The following DCAF6 variants were observed in gnomAD, a reference collection of about 807,000 sequenced individuals.
DCAF6 encodes DDB1- and CUL4-associated factor 6.
DCAF6 carries 54 observed loss-of-function variants against 125.1 expected under a neutral mutation model. That is an observed-to-expected ratio of 0.43 (90% CI 0.35 to 0.54). DCAF6 has a LOEUF of 0.54. Ranked by LOEUF, DCAF6 falls within the 20% of genes least tolerant of loss-of-function variation. The pLI is 0.01. For missense variants in DCAF6, 934 were observed against 1,161.7 expected (o/e 0.80, Z 2.85); for synonymous variants, 371 against 390.4 (o/e 0.95, Z 0.58).
chr1:168,044,588 C>G lies in DCAF6; in HGVS notation c.1847C>G (p.Ala616Gly). ...CTGTAATTTGGTTTACTTACAGAAGCTCCTGAAGAATCATCAGAGGATGTG... is the reference window on the plus strand; with the variant it reads ...CTGTAATTTGGTTTACTTACAGAAGGTCCTGAAGAATCATCAGAGGATGTG... ...QPPEGDSETK[A>G]PEESSEDVTK... The change falls in exon 15 of 22, where the codon GCT (alanine) becomes GGT (glycine). Residue 616 changes from alanine (A) to glycine (G), a missense_variant. By Grantham distance (60) the Ala-to-Gly change is moderately conservative (BLOSUM62 0). This residue lies in a region of DCAF6 where 559 missense variants were observed against 635.5 expected (regional missense o/e 0.88). Transcript: ENST00000367840. The G allele has an allele frequency of 1.2e-6, 2 of 1,610,784 alleles. No individual in the cohort carries two copies. The highest frequency in any genetic ancestry group is 2.2e-5 in the South Asian group (2 of 90,958).
In DCAF6 at chr1:168,029,579, C is replaced by T. The variant is rs182720091; in HGVS notation, c.1609+6532C>T. 3.9e-3 allele frequency among the ~76,000 whole-genome samples: 600 copies of T among 152,228 alleles called. 11 individuals carry two copies. Among genetic ancestry groups the T allele is most frequent in the African/African-American group, 0.014 (577 of 41,532 alleles). On this transcript the variant is annotated intron_variant, in intron 12 of 21. Transcript: ENST00000367840. ...TCTTTGTACCAAACATTGCTTGGAG[C>T]AATTTTTTATATGTTAATTTACTTA... is the stretch of plus-strand genomic sequence containing the variant.
chr1:167,997,764 T>C (rs1257592193), intron 7 of DCAF6, among the ~76,000 whole-genome samples: 2 of 152,168 alleles, frequency 1.3e-5, no homozygotes. Context: ...ATCCAGAATG[T>C]ATAAGGAACA....
chr1:167,880,448 A>G, the DCAF6 span: 5 of 1,447,598 alleles, frequency 3.5e-6, no homozygotes, highest in Non-Finnish European at 4.9e-6. Flanking sequence ...TTATGCCTCA[A>G]AAGGGTCAGG....
the DCAF6 span, among the ~76,000 whole-genome samples, chr1:167,890,862 G>A: frequency 6.6e-6 from 1 of 152,176 alleles, no homozygotes; most frequent in African/African-American, 2.4e-5. Context: ...GATAACTGAT[G>A]TATGGAGAAG....
chr1:168,068,284 C>T (rs916812615), intron 20 of DCAF6, 74 bp from the exon 21 acceptor site: 22 of 993,368 alleles, frequency 2.2e-5, no homozygotes, highest in South Asian at 4.2e-5. Context: ...TGATTGTTTA[C>T]GGTTTGCCTG....
chr1:167,984,633 T>C (rs1571802432), intron 4 of DCAF6, among the ~76,000 whole-genome samples: 1 of 152,202 alleles, frequency 6.6e-6, no homozygotes, highest in Non-Finnish European at 1.5e-5. Context: ...GCTGACTTGA[T>C]TAGATGGAAT....
rs1420686907 is a variant in DCAF6, at chr1:168,063,771, T to C, written c.2439+12T>C. Reference sequence around the variant, plus strand: ...ACTCCAGGACAATGGTACCAAATGTTCATGGCATTTTTTGGTGAAATTGCA... The same window carrying C: ...ACTCCAGGACAATGGTACCAAATGTCCATGGCATTTTTTGGTGAAATTGCA... On this transcript the variant is annotated intron_variant, in intron 18 of 21. Coordinates refer to ENST00000367840, the MANE Select transcript of DCAF6 (RefSeq NM_001198956.2). 6.3e-7 allele frequency: 1 copy of C among 1,592,174 alleles called. No individual in the cohort carries two copies. Among genetic ancestry groups the C allele is most frequent in the Admixed American group, 1.8e-5 (1 of 54,932 alleles).
intron 1 of DCAF6, among the ~76,000 whole-genome samples, chr1:167,943,744 T>A (rs189297265): frequency 6.6e-6 from 1 of 152,216 alleles, no homozygotes. Context: ...AACACACTTA[T>A]GAGTCAGAAC....
At chr1:167,935,707 A>G (rs368734933), upstream of DCAF6, 601 of 1,534,528 alleles carry the variant, frequency 3.9e-4, 6 homozygotes, top group Middle Eastern at 4.4e-3. Context: ...GAAGGTCTCG[A>G]TAAGGAGCCA....
chr1:168,032,917 C>T (rs531308324), intron 12 of DCAF6, among the ~76,000 whole-genome samples: 1 of 152,210 alleles, frequency 6.6e-6, no homozygotes, highest in East Asian at 1.9e-4. Context: ...CCAGGGGTAT[C>T]CCAGCTTAAA....
At position 167,937,020 on chromosome 1, in the gene DCAF6, C is replaced by T. The variant is rs777446554; in HGVS notation, c.97+12C>T. ...GAGTCGCTACCTGGGTGAGCGGGGG[C>T]CCCGGGGCGGAGGCGCTGAGGTCGC... is the stretch of plus-strand genomic sequence containing the variant. On this transcript the variant is annotated intron_variant, in intron 1 of 21. Transcript: ENST00000367840. The T allele has an allele frequency of 2.5e-6, 4 of 1,601,402 alleles. No homozygotes were observed. The highest frequency in any genetic ancestry group is 3.4e-6 in the Non-Finnish European group (4 of 1,174,218).
the DCAF6 span, among the ~76,000 whole-genome samples, chr1:167,881,866 T>C: frequency 1.3e-5 from 2 of 152,214 alleles, no homozygotes; most frequent in Non-Finnish European, 2.9e-5. Flanking sequence ...GGGTCAGTAT[T>C]GAAGAAGGTA....
At chr1:167,952,068 G>A (rs146621541) in intron 2 of DCAF6, among the ~76,000 whole-genome samples, 4 of 152,200 alleles carry the variant, frequency 2.6e-5, no homozygotes, top group East Asian at 1.9e-4. Flanking sequence ...TAATATTATC[G>A]AAAGGCTTCC....
chr1:167,888,023 A>G, the DCAF6 span, among the ~76,000 whole-genome samples: 1 of 152,144 alleles, frequency 6.6e-6, no homozygotes, highest in Non-Finnish European at 1.5e-5. Flanking sequence ...TCCCAGCACA[A>G]TTTATTGAAG....
chr1:167,938,145 CCATT>C (rs1671623317), intron 1 of DCAF6, among the ~76,000 whole-genome samples: 2 of 152,242 alleles, frequency 1.3e-5, no homozygotes, highest in East Asian at 1.9e-4. Flanking sequence ...TTGATCCCTC[CCATT>C]CAATTTCACT....
At chr1:168,035,297 A>G (rs1687655286) in intron 12 of DCAF6, among the ~76,000 whole-genome samples, 1 of 152,152 alleles carries the variant, frequency 6.6e-6, no homozygotes, top group African/African-American at 2.4e-5. Flanking sequence ...GTTACTACAA[A>G]TTAGCCAGGT....
Position 168,074,115 on chromosome 1 carries a change from A to C in DCAF6, c.2792-1256A>C, listed in dbSNP as rs77536885. ...ACATACATTATGTCATTGGTTTGAC[A>C]TTGGATTAGAGTTGGCATAGAGGAG... On this transcript the variant is annotated intron_variant, in intron 21 of 21. Coordinates refer to ENST00000367840, the MANE Select transcript of DCAF6 (RefSeq NM_001198956.2). 7.2e-5 allele frequency among the ~76,000 whole-genome samples: 11 copies of C among 152,006 alleles called. No individual in the cohort carries two copies. The East Asian group carries it at 2.1e-3, about 30-fold the overall frequency.
At chr1:168,000,287 A>G (rs1363350797) in intron 7 of DCAF6, among the ~76,000 whole-genome samples, 2 of 152,180 alleles carry the variant, frequency 1.3e-5, no homozygotes, top group Non-Finnish European at 2.9e-5. Flanking sequence ...ACAGATCACC[A>G]TAATAGGTAG....
At position 168,044,690 on chromosome 1, in the gene DCAF6, A is replaced by T. The variant is rs749026499; in HGVS notation, c.1930+19A>T. The T allele has an allele frequency of 3.8e-6, 6 of 1,578,668 alleles. No homozygotes were observed. Among genetic ancestry groups the T allele is most frequent in the Non-Finnish European group, 4.4e-6 (5 of 1,148,738 alleles). On this transcript the variant is annotated intron_variant, in intron 15 of 21. Coordinates refer to ENST00000367840, the MANE Select transcript of DCAF6 (RefSeq NM_001198956.2). Reference sequence around the variant, plus strand: ...AATATAAGTGAGTTGCTCCCTTTAGATAATTGCTTTGTATGGGAAAATAAA... The same window carrying T: ...AATATAAGTGAGTTGCTCCCTTTAGTTAATTGCTTTGTATGGGAAAATAAA...
Sources: allele counts gnomAD v4.1 joint callset (sites outside exome capture counted in the v4.1 genomes callset), GRCh38; gene constraint gnomAD v4.1.1; regional missense constraint gnomAD v4.1.1; transcripts MANE v1.5; gene names NCBI Gene and HGNC (gene_info 2026-07-23, HGNC 2026-07-21).